CCDC54: variants seen among roughly 807,000 people sequenced by gnomAD.
CCDC54 encodes coiled-coil domain containing 54.
A neutral mutation model predicts 2.9 loss-of-function variants in CCDC54; 2 were observed. The ratio of observed to expected loss-of-function variants is 0.69; its 90% CI spans 0.28 to 2.16. The LOEUF is 2.16. Among genes scored for constraint, CCDC54 ranks in the 30% most tolerant of loss-of-function variants. CCDC54 has a pLI of 0.13. For missense variants in CCDC54, 368 were observed against 378.1 expected, an observed-to-expected ratio of 0.97 and a Z score of 0.22; for synonymous variants, 128 against 129.6, an observed-to-expected ratio of 0.99 and a Z score of 0.08.
At chr3:107,378,162 C>A in the CCDC54 span, 5 of 1,614,192 alleles carry the variant, frequency 3.1e-6, no homozygotes, top group Non-Finnish European at 4.2e-6. Context: ...GAAATCTCTT[C>A]AGCAGAACCA....
rs1174221802 is a variant in CCDC54 at position 107,377,968 on chromosome 3, C to T, written c.381C>T (p.Leu127=). The change falls in exon 1 of 1, where the codon CTC becomes CTT. Residue 127 remains leucine (L), a synonymous_variant. Transcript: ENST00000261058. ...AATGCACAACGACTAAAGATATCCT[C>T]TCTATGAAAGAAGACATCAAGGCAT... ...DKQCTTTKDI[L]SMKEDIKALK... 6.2e-7 allele frequency: 1 copy of T among 1,614,006 alleles called. No individual in the cohort carries two copies. The highest frequency in any genetic ancestry group is 8.5e-7 in the Non-Finnish European group (1 of 1,180,030).
chr3:107,378,119 A>G lies in CCDC54; in HGVS notation c.532A>G (p.Thr178Ala). 1 of 1,614,130 alleles carries G rather than the reference A, an allele frequency of 6.2e-7. No individual in the cohort carries two copies. The highest frequency in any genetic ancestry group is 1.1e-5 in the South Asian group (1 of 91,074). ...GCTTTACAAACTCATACAACCAGCA[A>G]CTCTGAAGAACACTTTGGCCTCTAC... ...ELLYKLIQPA[T>A]LKNTLASTDM... The change falls in exon 1 of 1, where the codon ACT (threonine) becomes GCT (alanine). Residue 178 changes from threonine (T) to alanine (A), a missense_variant. Transcript: ENST00000261058.
rs1187654966 is a variant in CCDC54, at chr3:107,378,115, A to G, written c.528A>G (p.Pro176=). The part of the protein sequence containing the change: ...ITELLYKLIQ[P]ATLKNTLAST... ...AACTGCTTTACAAACTCATACAACC[A>G]GCAACTCTGAAGAACACTTTGGCCT... is the stretch of plus-strand genomic sequence containing the variant. The change falls in exon 1 of 1, where the codon CCA becomes CCG. Residue 176 remains proline (P), a synonymous_variant. Transcript: ENST00000261058. 4 of 1,614,072 alleles carry G rather than the reference A, an allele frequency of 2.5e-6. No individual in the cohort carries two copies. Among genetic ancestry groups the G allele is most frequent in the Non-Finnish European group, 3.4e-6 (4 of 1,180,040 alleles).
chr3:107,378,634 C>A lies in CCDC54; in HGVS notation c.*60C>A. The A allele has an allele frequency of 2.0e-6, 3 of 1,510,034 alleles. No individual in the cohort carries two copies. Among genetic ancestry groups the A allele is most frequent in the Non-Finnish European group, 2.7e-6 (3 of 1,120,790 alleles). The allele number at this position is 1,510,034 out of a possible 1,614,324, so 93.5% of individuals were successfully genotyped here. ...GTAACCTGGAGGCTCCAAGTATTCACACATTGGTGTGGTGGCTGTGAATTC... is the reference window on the plus strand; with the variant it reads ...GTAACCTGGAGGCTCCAAGTATTCAAACATTGGTGTGGTGGCTGTGAATTC... On this transcript the variant is annotated 3_prime_UTR_variant, in exon 1 of 1. Transcript: ENST00000261058.
the CCDC54 span, chr3:107,378,545 T>TC: frequency 6.2e-7 from 1 of 1,613,678 alleles, no homozygotes. Flanking sequence ...CTTTATTTGT[T>TC]CCTTAAAAGA....
chr3:107,377,610 G>A lies in CCDC54; in HGVS notation c.23G>A (p.Arg8Lys). ...AAGATGTACACACTTCACACCAAAA[G>A]GGTAAAAGCTGCTGCTAGGCAGATG... MYTLHTK[R>K]VKAAARQMWT... Residue 8 changes from arginine (R) to lysine (K), a missense_variant, in exon 1 of 1, where the codon AGG becomes AAG. By Grantham distance (26) the Arg-to-Lys change is conservative. Transcript: ENST00000261058. The A allele has an allele frequency of 6.2e-7, 1 of 1,612,518 alleles. No homozygotes were observed. Among genetic ancestry groups the A allele is most frequent in the Non-Finnish European group, 8.5e-7 (1 of 1,179,558 alleles).
chr3:107,378,350 C>A lies in CCDC54; in HGVS notation c.763C>A (p.His255Asn). The A allele has an allele frequency of 1.2e-6, 2 of 1,614,174 alleles. No homozygotes were observed. The highest frequency in any genetic ancestry group is 2.2e-5 in the South Asian group (2 of 91,074). Residue 255 changes from histidine to asparagine, a missense_variant, in exon 1 of 1, where the codon CAT (histidine) becomes AAT (asparagine). Physicochemically the swap from His to Asn is moderately conservative, Grantham distance 68. Transcript: ENST00000261058. Reference protein sequence around the residue: ...FSTWIKLTFVHGGKWTFFLSA... With the variant: ...FSTWIKLTFVNGGKWTFFLSA... Reference sequence around the variant, plus strand: ...TACATGGATCAAGCTAACTTTTGTTCATGGAGGAAAATGGACATTTTTCCT... The same window carrying A: ...TACATGGATCAAGCTAACTTTTGTTAATGGAGGAAAATGGACATTTTTCCT...
the CCDC54 span, chr3:107,378,566 C>T: frequency 4.8e-5 from 78 of 1,612,304 alleles, no homozygotes; most frequent in Non-Finnish European, 6.4e-5. Context: ...AGAAGTAACT[C>T]GACTATAGAG....
rs534564254 is a variant in CCDC54 at position 107,377,856 on chromosome 3, T to C, written c.269T>C (p.Met90Thr). ...LFSQMTDIVH[M>T]IPKVQEKTDL... ...AGCCAAATGACTGACATTGTCCATA[T>C]GATACCAAAAGTCCAGGAAAAGACT... is the stretch of plus-strand genomic sequence containing the variant. Residue 90 changes from methionine (M) to threonine (T), a missense_variant, in exon 1 of 1, where the codon ATG (methionine) becomes ACG (threonine). By Grantham distance (81) the Met-to-Thr change is moderately conservative. Coordinates refer to ENST00000261058, the MANE Select transcript of CCDC54 (RefSeq NM_032600.3). 1.5e-5 allele frequency: 25 copies of C among 1,614,174 alleles called. No homozygotes were observed. The highest frequency in any genetic ancestry group is 1.5e-4 in the South Asian group (14 of 91,084).
Position 107,377,833 on chromosome 3 carries a change from C to A in CCDC54, c.246C>A (p.Ser82Arg). The A allele has an allele frequency of 2.5e-6, 4 of 1,614,098 alleles. No individual in the cohort carries two copies. Among genetic ancestry groups the A allele is most frequent in the Middle Eastern group, 1.7e-4 (1 of 6,060 alleles). ...AAACTGCTCAAGTTGAACTTTTCAG[C>A]CAAATGACTGACATTGTCCATATGA... ...DVKTAQVELF[S>R]QMTDIVHMIP... The change falls in exon 1 of 1, where the codon AGC becomes AGA. Residue 82 changes from serine to arginine, a missense_variant. By Grantham distance (110) the Ser-to-Arg change is moderately radical. Transcript: ENST00000261058.
In CCDC54 at chr3:107,378,046, T is replaced by C. The variant is rs1256901811; in HGVS notation, c.459T>C (p.His153=). The C allele has an allele frequency of 6.2e-7, 1 of 1,614,168 alleles. No individual in the cohort carries two copies. The highest frequency in any genetic ancestry group is 1.1e-5 in the South Asian group (1 of 91,076). The stretch of plus-strand genomic sequence containing the variant: ...TTCAGAATTCCTGCTCCACGATACA[T>C]TGTCTAGAGATTCTGGAGGGAGAAA... ...LEIQNSCSTI[H]CLEILEGERG... The change falls in exon 1 of 1, where the codon CAT becomes CAC. Residue 153 remains histidine (H), a synonymous_variant. Transcript: ENST00000261058.
In CCDC54 at chr3:107,377,563, C is replaced by T. The variant is rs1245156533; in HGVS notation, c.-25C>T. On this transcript the variant is annotated 5_prime_UTR_variant, in exon 1 of 1. Transcript: ENST00000261058. Reference sequence around the variant, plus strand: ...TTCCTGTGATTCTGTTTTCCAACACCTTGCCTCTTGTTTCACCATGAAAGA... The same window carrying T: ...TTCCTGTGATTCTGTTTTCCAACACTTTGCCTCTTGTTTCACCATGAAAGA... The T allele has an allele frequency of 3.2e-6, 5 of 1,574,414 alleles. No individual in the cohort carries two copies. In the Admixed American group the frequency reaches 5.8e-5, roughly 18 times the overall value.
Position 107,377,624 on chromosome 3 carries a change from G to A in CCDC54, c.37G>A (p.Ala13Thr). ...TLHTKRVKAA[A>T]RQMWTSNLSK... ...TCACACCAAAAGGGTAAAAGCTGCT[G>A]CTAGGCAGATGTGGACTTCAAATCT... The change falls in exon 1 of 1, where the codon GCT (alanine) becomes ACT (threonine). Residue 13 changes from alanine to threonine, a missense_variant. Ala to Thr is a moderately conservative substitution (Grantham distance 58). Transcript: ENST00000261058. 6.2e-7 allele frequency: 1 copy of A among 1,613,842 alleles called. No homozygotes were observed. Among genetic ancestry groups the A allele is most frequent in the Non-Finnish European group, 8.5e-7 (1 of 1,179,936 alleles).
chr3:107,378,017 G>GA, the CCDC54 span: 1 of 1,614,164 alleles, frequency 6.2e-7, no homozygotes, highest in Non-Finnish European at 8.5e-7. Context: ...GACAGAACTG[G>GA]AAATTCAGAA....
rs1162070769 is a variant in CCDC54 at position 107,377,686 on chromosome 3, C to T, written c.99C>T (p.His33=). 1 of 1,613,994 alleles carries T rather than the reference C, an allele frequency of 6.2e-7. No individual in the cohort carries two copies. Among genetic ancestry groups the T allele is most frequent in the Non-Finnish European group, 8.5e-7 (1 of 1,180,002 alleles). ...GACAGTCTCTTAAAAATGTTTACCA[C>T]AAATGTAAGATTCGGCACCAAGATT... The part of the protein sequence containing the change: ...KVRQSLKNVY[H]KCKIRHQDST... Residue 33 remains histidine, a synonymous_variant, in exon 1 of 1, where the codon CAC becomes CAT. Coordinates refer to ENST00000261058, the MANE Select transcript of CCDC54 (RefSeq NM_032600.3).
chr3:107,378,450 T>A lies in CCDC54; in HGVS notation c.863T>A (p.Val288Asp), dbSNP rs1396183213. ...ACCATTCTTCCTGAGGAACCCCAGG[T>A]CATAACCCAGAGATACTGTCCATTC... Reference protein sequence around the residue: ...RPTILPEEPQVITQRYCPFTG... With the variant: ...RPTILPEEPQDITQRYCPFTG... Residue 288 changes from valine to aspartate, a missense_variant, in exon 1 of 1, where the codon GTC (valine) becomes GAC (aspartate). Coordinates refer to ENST00000261058, the MANE Select transcript of CCDC54 (RefSeq NM_032600.3). The A allele has an allele frequency of 6.2e-7, 1 of 1,614,130 alleles. No homozygotes were observed. The highest frequency in any genetic ancestry group is 1.7e-5 in the Admixed American group (1 of 60,022).
At position 107,378,334 on chromosome 3, in the gene CCDC54, C is replaced by T; in HGVS notation, c.747C>T (p.Ile249=). 3 of 1,614,216 alleles carry T rather than the reference C, an allele frequency of 1.9e-6. No individual in the cohort carries two copies. Among genetic ancestry groups the T allele is most frequent in the Non-Finnish European group, 2.5e-6 (3 of 1,180,032 alleles). ...TTTACCCAGACTTCAGTACATGGATCAAGCTAACTTTTGTTCATGGAGGAA... is the reference window on the plus strand; with the variant it reads ...TTTACCCAGACTTCAGTACATGGATTAAGCTAACTTTTGTTCATGGAGGAA... ...IYIYPDFSTW[I]KLTFVHGGKW... is the part of the protein sequence containing the mutation. Residue 249 remains isoleucine (I), a synonymous_variant, in exon 1 of 1, where the codon ATC becomes ATT. Coordinates refer to ENST00000261058, the MANE Select transcript of CCDC54 (RefSeq NM_032600.3).
the CCDC54 span, chr3:107,378,233 C>T: frequency 6.2e-7 from 1 of 1,614,022 alleles, no homozygotes. Context: ...AATTTCTCCC[C>T]AAATGAAAAC....
rs3811061 is a variant in CCDC54 at position 107,378,499 on chromosome 3, C to A, written c.912C>A (p.Thr304=). The A allele has an allele frequency of 0.1, 161,548 of 1,613,842 alleles. 8,745 individuals are homozygous for A. The highest frequency in any genetic ancestry group is 0.12 in the South Asian group (10,919 of 91,066). The stretch of plus-strand genomic sequence containing the variant: ...TCACTGGGCCCATTTTGAGCTTGAC[C>A]ACAATCTGTCTCTCCATCTTCAACA... ...CPFTGPILSL[T]TICLSIFNNI... The change falls in exon 1 of 1, where the codon ACC becomes ACA. Residue 304 remains threonine (T), a synonymous_variant. Coordinates refer to ENST00000261058, the MANE Select transcript of CCDC54 (RefSeq NM_032600.3).
Sources: gnomAD v4.1 joint callset for allele counts on GRCh38, gnomAD v4.1.1 for gene constraint, MANE v1.5 for transcripts, NCBI Gene and HGNC (gene_info 2026-07-23, HGNC 2026-07-21) for gene names.